NTRK2: variants seen among roughly 807,000 people sequenced by gnomAD.
The protein encoded by NTRK2 is BDNF/NT-3 growth factors receptor.
Under a neutral mutation model 94.5 loss-of-function variants are expected in NTRK2, and 13 were observed. That is an observed-to-expected ratio of 0.14 (90% CI 0.09 to 0.22). The LOEUF is 0.22. Ranked by LOEUF, NTRK2 falls within the 10% of genes least tolerant of loss-of-function variation. The pLI, the probability that NTRK2 is intolerant of heterozygous loss-of-function variation, is 1.00. For synonymous variants in NTRK2, 372 were observed against 407.4 expected (o/e 0.91, Z 1.05); for missense variants, 639 against 1,071.2 (o/e 0.60, Z 5.63).
Position 84,674,120 on chromosome 9 carries a change from TA to T in NTRK2, c.212+3170del, listed in dbSNP as rs34335782. On this transcript the variant is annotated intron_variant, in intron 2 of 18. Transcript: ENST00000277120. ...AAGTCGTGCATTTTTTTAGCTGTGG[TA>T]AAAAAAAAATACATAACCTAAAATG... Among the ~76,000 whole-genome samples the T allele has an allele frequency of 2.8e-3, 424 of 150,460 alleles. 4 individuals carry two copies. Among genetic ancestry groups the T allele is most frequent in the African/African-American group, 9.2e-3 (378 of 41,134 alleles).
chr9:84,993,162 T>A (rs1829308003), intron 17 of NTRK2, among the ~76,000 whole-genome samples: 1 of 152,112 alleles, frequency 6.6e-6, no homozygotes, highest in African/African-American at 2.4e-5. Flanking sequence ...AATCACTAAC[T>A]GTTGGAATTT....
intron 9 of NTRK2, among the ~76,000 whole-genome samples, chr9:84,734,005 A>G (rs2063077311): frequency 2.0e-5 from 3 of 152,114 alleles, no homozygotes. Flanking sequence ...CTGCAGTGGG[A>G]AGGGTTTGGG....
chr9:84,723,170 G>A (rs1161222339), intron 6 of NTRK2, among the ~76,000 whole-genome samples: 3 of 152,108 alleles, frequency 2.0e-5, no homozygotes, highest in Non-Finnish European at 2.9e-5. Flanking sequence ...TTGAGCATTA[G>A]TAAAAAATGG....
chr9:84,859,805 C>T (rs2075246412), intron 12 of NTRK2, among the ~76,000 whole-genome samples: 1 of 152,218 alleles, frequency 6.6e-6, no homozygotes, highest in South Asian at 2.1e-4. Flanking sequence ...ACTCTGCCTC[C>T]CTAGACTAAC....
chr9:84,686,717 C>T (rs1320239963), intron 2 of NTRK2, among the ~76,000 whole-genome samples: 1 of 152,104 alleles, frequency 6.6e-6, no homozygotes, highest in Non-Finnish European at 1.5e-5. Context: ...ATGCATTGGG[C>T]TGATCCTATG....
chr9:84,856,158 A>G (rs1218817133), intron 12 of NTRK2, among the ~76,000 whole-genome samples: 1 of 152,198 alleles, frequency 6.6e-6, no homozygotes, highest in Non-Finnish European at 1.5e-5. Context: ...GAAATACCTC[A>G]CATTGTAAGT....
At chr9:84,990,206 A>C (rs1004812614) in intron 17 of NTRK2, among the ~76,000 whole-genome samples, 12 of 152,238 alleles carry the variant, frequency 7.9e-5, no homozygotes, top group Admixed American at 2.6e-4. Context: ...GGCATCTAGC[A>C]GAGTTTGTTC....
chr9:84,983,035 T>C (rs1386007193), intron 17 of NTRK2, among the ~76,000 whole-genome samples: 1 of 152,168 alleles, frequency 6.6e-6, no homozygotes, highest in East Asian at 1.9e-4. Flanking sequence ...GGATACTTAA[T>C]ATTCTGACCC....
intron 17 of NTRK2, among the ~76,000 whole-genome samples, chr9:84,994,826 T>C (rs1351773114): frequency 2.0e-5 from 3 of 152,226 alleles, no homozygotes; most frequent in Non-Finnish European, 4.4e-5. Context: ...GAACAAAATC[T>C]GCTGAACATT....
At chr9:84,761,408 A>G (rs375829756) in intron 12 of NTRK2, among the ~76,000 whole-genome samples, 1 of 152,142 alleles carries the variant, frequency 6.6e-6, no homozygotes, top group Admixed American at 6.5e-5. Flanking sequence ...AGTATAGTCA[A>G]CCACCCAACT....
intron 15 of NTRK2, among the ~76,000 whole-genome samples, chr9:84,947,382 C>T (rs2078634831): frequency 6.6e-6 from 1 of 152,236 alleles, no homozygotes; most frequent in Admixed American, 6.5e-5. Context: ...CATCAGGCAA[C>T]ATATTCACAG....
chr9:84,792,923 C>CT (rs1390706387), intron 12 of NTRK2, among the ~76,000 whole-genome samples: 2 of 152,164 alleles, frequency 1.3e-5, no homozygotes, highest in Non-Finnish European at 2.9e-5. Context: ...TTGGGAGGTG[C>CT]TTCTCATGGT....
At chr9:84,930,330 G>A (rs1442494785) in intron 14 of NTRK2, among the ~76,000 whole-genome samples, 1 of 152,208 alleles carries the variant, frequency 6.6e-6, no homozygotes. Context: ...CGGCCCCTGA[G>A]AAGGAAGGCA....
At chr9:84,934,702 T>C (rs2078155614) in intron 15 of NTRK2, among the ~76,000 whole-genome samples, 1 of 152,180 alleles carries the variant, frequency 6.6e-6, no homozygotes, top group African/African-American at 2.4e-5. Flanking sequence ...GAAGGAAGGA[T>C]TGTGGACTTC....
rs150852754 is a variant in NTRK2 at position 84,797,905 on chromosome 9, A to G, written c.1396+45820A>G. ...AGTAATAATTATTATTACTATAATA[A>G]TTACTAATTACTATTAATATTTACT... On this transcript the variant is annotated intron_variant, in intron 12 of 18. Coordinates refer to ENST00000277120, the MANE Select transcript of NTRK2 (RefSeq NM_006180.6). Among the ~76,000 whole-genome samples the G allele has an allele frequency of 4.1e-3, 517 of 126,912 alleles. 14 individuals are homozygous for G. Among genetic ancestry groups the G allele is most frequent in the Admixed American group, 0.027 (253 of 9,298 alleles). 83.3% of individuals were successfully genotyped at this position (126,912 alleles called of 152,430 possible). A position where few individuals can be genotyped will look rare whatever the true frequency, so the allele number is the denominator to read the frequency against.
At chr9:84,961,494 C>T (rs1824922398) in intron 17 of NTRK2, among the ~76,000 whole-genome samples, 1 of 152,148 alleles carries the variant, frequency 6.6e-6, no homozygotes, top group Non-Finnish European at 1.5e-5. Context: ...CTGTATTAAA[C>T]GGGACTTGCA....
intron 14 of NTRK2, among the ~76,000 whole-genome samples, chr9:84,933,855 G>A (rs1199761495): frequency 6.6e-6 from 1 of 152,196 alleles, no homozygotes; most frequent in Non-Finnish European, 1.5e-5. Flanking sequence ...TGCCATTAAT[G>A]TGAATTTCTC....
chr9:84,830,545 G>A (rs1466178705), intron 12 of NTRK2, among the ~76,000 whole-genome samples: 1 of 151,604 alleles, frequency 6.6e-6, no homozygotes, highest in Non-Finnish European at 1.5e-5. Context: ...ATGCGTGTGT[G>A]TGTGTGTGTG....
At chr9:84,997,697 T>C (rs1829909137) in intron 17 of NTRK2, among the ~76,000 whole-genome samples, 1 of 152,180 alleles carries the variant, frequency 6.6e-6, no homozygotes, top group Non-Finnish European at 1.5e-5. Context: ...AGGCTGATGA[T>C]GTGCACAGCA....
Sources: allele counts gnomAD v4.1 joint callset (sites outside exome capture counted in the v4.1 genomes callset), GRCh38; gene constraint gnomAD v4.1.1; transcripts MANE v1.5; gene names NCBI Gene and HGNC (gene_info 2026-07-23, HGNC 2026-07-21).